The following QSER1 variants were observed in gnomAD, a reference collection of about 807,000 sequenced individuals.
QSER1 encodes the protein glutamine and serine-rich protein 1.
A neutral mutation model predicts 158.5 loss-of-function variants in QSER1; 49 were observed. The observed-to-expected ratio is 0.31, with a 90% CI of 0.25 to 0.39. The LOEUF is 0.39. QSER1 is among the 10% of genes least tolerant of loss of function. The pLI is 1.00. For missense variants in QSER1, 1,754 were observed against 2,010.3 expected, an observed-to-expected ratio of 0.87 and a Z score of 2.44; for synonymous variants, 650 against 715.5, an observed-to-expected ratio of 0.91 and a Z score of 1.46.
At chr11:32,961,423 G>A (rs1852622645) in intron 8 of QSER1, among the ~76,000 whole-genome samples, 1 of 152,128 alleles carries the variant, frequency 6.6e-6, no homozygotes, top group Admixed American at 6.5e-5. Flanking sequence ...AGTTAGCTCA[G>A]TGATATAGAT....
chr11:32,976,708 T>G lies in QSER1; in HGVS notation c.*234T>G. On this transcript the variant is annotated 3_prime_UTR_variant, in exon 13 of 13. Coordinates refer to ENST00000650167, the MANE Select transcript of QSER1 (RefSeq NM_001076786.3). ...TTACCCTAATGAATGATTTTTCTAT[T>G]TTGTAAACCATTGGGTAACTTGAGT... The G allele has an allele frequency of 4.8e-6, 2 of 418,600 alleles. No individual in the cohort carries two copies. Among genetic ancestry groups the G allele is most frequent in the Admixed American group, 4.8e-5 (1 of 20,704 alleles). 25.9% of individuals were successfully genotyped at this position (418,600 alleles called of 1,614,324 possible).
chr11:32,934,145 T>G lies in QSER1; in HGVS notation c.2887T>G (p.Cys963Gly). ...TCAGTTTGTTTCTCTTGGATCGATG[T>G]GTTTCCCAGAGGCAGTGCTTCTTAG... is the stretch of plus-strand genomic sequence containing the variant. Reference protein sequence around the residue: ...KNQFVSLGSMCFPEAVLLSDE... With the variant: ...KNQFVSLGSMGFPEAVLLSDE... The change falls in exon 4 of 13, where the codon TGT becomes GGT. Residue 963 changes from cysteine to glycine, a missense_variant. Physicochemically the swap from Cys to Gly is radical, Grantham distance 159 (BLOSUM62 -3). Around this residue, in one of 2 missense-constraint regions of QSER1, gnomAD observed 1,707 missense variants for 1,919.6 expected, o/e 0.89. Coordinates refer to ENST00000650167, the MANE Select transcript of QSER1 (RefSeq NM_001076786.3). 2 of 1,614,098 alleles carry G rather than the reference T, an allele frequency of 1.2e-6. No homozygotes were observed. The highest frequency in any genetic ancestry group is 1.3e-5 in the African/African-American group (1 of 75,066).
At chr11:32,937,377 T>C (rs1023983549) in intron 4 of QSER1, among the ~76,000 whole-genome samples, 8 of 152,156 alleles carry the variant, frequency 5.3e-5, no homozygotes, top group African/African-American at 1.7e-4. Flanking sequence ...CTCAAACTCC[T>C]GGGCCCAGGC....
intron 7 of QSER1, among the ~76,000 whole-genome samples, chr11:32,957,533 T>C (rs953083752): frequency 6.6e-6 from 1 of 152,106 alleles, no homozygotes; most frequent in African/African-American, 2.4e-5. Flanking sequence ...TAACATTCAT[T>C]ACCTTCCTAA....
At chr11:32,969,217 A>T in intron 10 of QSER1, 74 bp downstream of exon 10, 1 of 908,180 alleles carries the variant, frequency 1.1e-6, no homozygotes, top group Middle Eastern at 2.2e-4. Flanking sequence ...AAGGAAATTT[A>T]TGAAAATTAT....
At chr11:32,918,369 G>A (rs1851861596) in intron 1 of QSER1, among the ~76,000 whole-genome samples, 1 of 152,022 alleles carries the variant, frequency 6.6e-6, no homozygotes, top group African/African-American at 2.4e-5. Flanking sequence ...GAGGGTTAGG[G>A]CATGTGGAGA....
Position 32,977,435 on chromosome 11 carries a change from T to C in QSER1, c.*961T>C, listed in dbSNP as rs1852996810. The C allele has an allele frequency of 6.5e-6, 1 of 152,674 alleles. No individual in the cohort carries two copies. 9.5% of individuals were successfully genotyped at this position (152,674 alleles called of 1,614,324 possible). On this transcript the variant is annotated 3_prime_UTR_variant, in exon 13 of 13. Transcript: ENST00000650167. ...TTATAAATAGGGCTGTGTTAGACACTGCAGTAATTTTCTAATTCATAAAAT... is the reference window on the plus strand; with the variant it reads ...TTATAAATAGGGCTGTGTTAGACACCGCAGTAATTTTCTAATTCATAAAAT...
chr11:32,951,597 A>G (rs1174072731), intron 4 of QSER1, among the ~76,000 whole-genome samples: 2 of 152,048 alleles, frequency 1.3e-5, no homozygotes, highest in Admixed American at 1.3e-4. Flanking sequence ...ATCTTCTATG[A>G]TTTCTTTGAA....
At position 32,931,834 on chromosome 11, in the gene QSER1, T is replaced by C. The variant is rs376731888; in HGVS notation, c.576T>C (p.His192=). The C allele has an allele frequency of 4.3e-6, 7 of 1,614,184 alleles. No homozygotes were observed. Among genetic ancestry groups the C allele is most frequent in the Non-Finnish European group, 5.1e-6 (6 of 1,180,024 alleles). Residue 192 remains histidine, a synonymous_variant, in exon 4 of 13, where the codon CAT becomes CAC. Coordinates refer to ENST00000650167, the MANE Select transcript of QSER1 (RefSeq NM_001076786.3). ...TLPPSLSAYQ[H]PTTFSNRNFA... ...CACCATCTCTCTCTGCTTATCAGCA[T>C]CCCACCACCTTCAGCAATAGAAACT... is the stretch of plus-strand genomic sequence containing the variant.
chr11:32,913,120 A>T (rs1851788740), intron 1 of QSER1, among the ~76,000 whole-genome samples: 1 of 120,176 alleles, frequency 8.3e-6, no homozygotes, highest in African/African-American at 3.1e-5. Context: ...CATATATGTG[A>T]TTTTTATCTT....
At chr11:32,961,252 A>G (rs911184801) in intron 8 of QSER1, among the ~76,000 whole-genome samples, 5 of 152,170 alleles carry the variant, frequency 3.3e-5, no homozygotes, top group East Asian at 1.9e-4. Flanking sequence ...GAGGATTTCA[A>G]TTGCCTTCTC....
At chr11:32,913,479 TACC>T (rs199564808) in intron 1 of QSER1, among the ~76,000 whole-genome samples, 2,587 of 152,190 alleles carry the variant, frequency 0.017, 73 homozygotes, top group African/African-American at 0.059. Flanking sequence ...AGGTGCGAGC[TACC>T]GCACCCGGTC....
intron 1 of QSER1, among the ~76,000 whole-genome samples, chr11:32,925,424 A>G (rs181601034): frequency 3.7e-4 from 57 of 152,328 alleles, no homozygotes; most frequent in African/African-American, 1.3e-3. Flanking sequence ...AGAATGGCTA[A>G]AATTAAGAAG....
chr11:32,971,143 C>G (rs1283029433), intron 10 of QSER1, among the ~76,000 whole-genome samples: 1 of 151,788 alleles, frequency 6.6e-6, no homozygotes, highest in African/African-American at 2.4e-5. Context: ...GTCTTGAACT[C>G]CTGACTTCAA....
chr11:32,975,714 T>A, intron 12 of QSER1: 1 of 1,017,308 alleles, frequency 9.8e-7, no homozygotes, highest in Non-Finnish European at 1.2e-6. Flanking sequence ...ACTTATTACT[T>A]AGAATGGCCT....
intron 11 of QSER1, among the ~76,000 whole-genome samples, chr11:32,974,150 AT>A (rs1852927048): frequency 6.6e-6 from 1 of 152,190 alleles, no homozygotes; most frequent in African/African-American, 2.4e-5. Flanking sequence ...GCTAAGCACA[AT>A]GGCTCAAGCC....
intron 7 of QSER1, 143 bp downstream of exon 7, chr11:32,956,264 G>A (rs1852510329): frequency 5.8e-6 from 4 of 694,628 alleles, no homozygotes; most frequent in Non-Finnish European, 9.5e-6. Context: ...TGAAATAAGT[G>A]ATTCTTTTGA....
intron 4 of QSER1, among the ~76,000 whole-genome samples, chr11:32,947,011 C>T (rs1248811036): frequency 6.6e-6 from 1 of 152,264 alleles, no homozygotes; most frequent in Non-Finnish European, 1.5e-5. Flanking sequence ...GTCCGTCACC[C>T]CTTTCTTTGA....
intron 1 of QSER1, among the ~76,000 whole-genome samples, chr11:32,895,937 T>G (rs1851549039): frequency 6.6e-6 from 1 of 152,228 alleles, no homozygotes; most frequent in Non-Finnish European, 1.5e-5. Flanking sequence ...AACTCCAGCA[T>G]TATACCTTAA....
Sources: gnomAD v4.1 joint callset for allele counts (sites outside exome capture counted in the v4.1 genomes callset) on GRCh38, gnomAD v4.1.1 for gene constraint, gnomAD v4.1.1 regional missense constraint, MANE v1.5 for transcripts, NCBI Gene and HGNC (gene_info 2026-07-23, HGNC 2026-07-21) for gene names.